Variants in AGBL1 observed in about 807,000 individuals in gnomAD.
The protein encoded by AGBL1 is cytosolic carboxypeptidase 4.
A neutral mutation model predicts 118.9 loss-of-function variants in AGBL1; 130 were observed. The ratio of observed to expected loss-of-function variants is 1.09; its 90% CI spans 0.95 to 1.26. AGBL1 has a LOEUF of 1.26. Ranked by LOEUF, AGBL1 falls within the 50% of genes most tolerant of loss-of-function variation. The pLI, the probability that AGBL1 is intolerant of heterozygous loss-of-function variation, is 0.00. For missense variants in AGBL1, 1,584 were observed against 1,298.1 expected (o/e 1.22, Z -3.38); for synonymous variants, 555 against 478.9 (o/e 1.16, Z -2.08).
chr15:86,138,582 G>C (rs1340037566), intron 1 of AGBL1, among the ~76,000 whole-genome samples: 2 of 152,214 alleles, frequency 1.3e-5, no homozygotes, highest in African/African-American at 4.8e-5. Context: ...ATGTTTGCGA[G>C]ATGAATGCAT....
At chr15:86,877,986 T>C (rs1364455986) in intron 22 of AGBL1, among the ~76,000 whole-genome samples, 1 of 152,182 alleles carries the variant, frequency 6.6e-6, no homozygotes, top group Non-Finnish European at 1.5e-5. Context: ...ATCCACCTCA[T>C]GTTGATGTTG....
At chr15:86,902,931 A>G (rs1282875023) in intron 22 of AGBL1, among the ~76,000 whole-genome samples, 7 of 152,198 alleles carry the variant, frequency 4.6e-5, no homozygotes, top group East Asian at 3.9e-4. Flanking sequence ...AGTTTCTTGT[A>G]TCTGTAGGTT....
chr15:86,313,240 A>T (rs1266974675), intron 17 of AGBL1, among the ~76,000 whole-genome samples: 1 of 152,142 alleles, frequency 6.6e-6, no homozygotes, highest in African/African-American at 2.4e-5. Flanking sequence ...TTTAAAATGG[A>T]GGGTTGTAAG....
intron 4 of AGBL1, among the ~76,000 whole-genome samples, chr15:86,156,651 G>A (rs969122618): frequency 2.6e-5 from 4 of 151,978 alleles, no homozygotes; most frequent in East Asian, 1.9e-4. Context: ...TCTCTTCCCC[G>A]CCCTATGCTT....
chr15:87,029,172 C>G, downstream of AGBL1: 1 of 205,036 alleles, frequency 4.9e-6, no homozygotes, highest in Non-Finnish European at 9.7e-6. Context: ...TAGTCTTCTA[C>G]TCAAGCATTA....
intron 23 of AGBL1, among the ~76,000 whole-genome samples, chr15:86,940,401 G>C (rs1196944038): frequency 6.6e-6 from 1 of 152,054 alleles, no homozygotes; most frequent in Non-Finnish European, 1.5e-5. Flanking sequence ...AAGTGTCCAA[G>C]AAACGTAATC....
chr15:86,995,426 G>A (rs1054590753), intron 24 of AGBL1, among the ~76,000 whole-genome samples: 1 of 152,014 alleles, frequency 6.6e-6, no homozygotes, highest in Non-Finnish European at 1.5e-5. Context: ...GGGCACTAAG[G>A]TACATAGAAG....
chr15:86,780,186 T>C (rs549643795), intron 22 of AGBL1, among the ~76,000 whole-genome samples: 23 of 66,328 alleles, frequency 3.5e-4, no homozygotes, highest in African/African-American at 9.1e-4. Context: ...AGACACATTT[T>C]CTTGCCATTG....
chr15:86,732,936 T>G (rs545030837), intron 22 of AGBL1, among the ~76,000 whole-genome samples: 2 of 149,868 alleles, frequency 1.3e-5, no homozygotes, highest in South Asian at 4.2e-4. Context: ...TGTAGATATA[T>G]ATATAGAGAG....
chr15:86,843,250 C>T (rs1169952613), intron 22 of AGBL1, among the ~76,000 whole-genome samples: 13 of 152,138 alleles, frequency 8.5e-5, no homozygotes. Flanking sequence ...CTTCACTCAG[C>T]TTTGAGGGCC....
intron 24 of AGBL1, among the ~76,000 whole-genome samples, chr15:87,027,955 G>T (rs1318531630): frequency 1.3e-5 from 2 of 151,802 alleles, no homozygotes; most frequent in African/African-American, 4.8e-5. Flanking sequence ...CCTAGGTGAT[G>T]GGATGATCTG....
chr15:86,356,335 CGT>C (rs55955604), intron 17 of AGBL1, among the ~76,000 whole-genome samples: 6,649 of 150,090 alleles, frequency 0.044, 449 homozygotes, highest in African/African-American at 0.15. Flanking sequence ...CGAAGATAGA[CGT>C]GTGTGTGTGT....
chr15:86,558,241 C>T (rs1347896081), intron 21 of AGBL1, among the ~76,000 whole-genome samples: 1 of 152,184 alleles, frequency 6.6e-6, no homozygotes, highest in Non-Finnish European at 1.5e-5. Flanking sequence ...CACTCAATTT[C>T]CCCTGGTTGT....
Position 86,964,816 on chromosome 15 carries a change from A to C in AGBL1, c.3222-23171A>C, listed in dbSNP as rs541992651. Reference sequence around the variant, plus strand: ...CCCCTGACAGGCCCCGGTGTGTAACATTGCCCTCCCTGTGTCCATGTGTTC... The same window carrying C: ...CCCCTGACAGGCCCCGGTGTGTAACCTTGCCCTCCCTGTGTCCATGTGTTC... On this transcript the variant is annotated intron_variant, in intron 23 of 24. Coordinates refer to the AGBL1 transcript ENST00000441037. Among the ~76,000 whole-genome samples the C allele has an allele frequency of 2.7e-4, 41 of 151,076 alleles. 2 individuals are homozygous for C. The highest frequency in any genetic ancestry group is 3.0e-5 in the Non-Finnish European group (2 of 67,788).
chr15:86,358,949 A>G (rs2080762120), intron 17 of AGBL1, among the ~76,000 whole-genome samples: 3 of 151,674 alleles, frequency 2.0e-5, no homozygotes, highest in Non-Finnish European at 4.4e-5. Context: ...ATGATTTGCA[A>G]GTATTTTTTT....
At chr15:86,728,108 A>C (rs1315966604) in intron 22 of AGBL1, among the ~76,000 whole-genome samples, 1 of 152,206 alleles carries the variant, frequency 6.6e-6, no homozygotes, top group Non-Finnish European at 1.5e-5. Context: ...CTTTCTTGGA[A>C]TCCTCAGCCT....
At chr15:86,968,837 G>C (rs2081079419) in intron 23 of AGBL1, among the ~76,000 whole-genome samples, 1 of 151,916 alleles carries the variant, frequency 6.6e-6, no homozygotes, top group African/African-American at 2.4e-5. Flanking sequence ...GTAAGGGCTT[G>C]TTACTCACAG....
intron 5 of AGBL1, among the ~76,000 whole-genome samples, chr15:86,209,792 T>C (rs1395407788): frequency 3.3e-5 from 5 of 152,226 alleles, no homozygotes; most frequent in African/African-American, 4.8e-5. Flanking sequence ...TGTCTTTTAA[T>C]TGGGGCATTT....
At chr15:86,225,753 T>G (rs1221881460) in intron 6 of AGBL1, among the ~76,000 whole-genome samples, 1 of 152,148 alleles carries the variant, frequency 6.6e-6, no homozygotes. Flanking sequence ...GTGATATTTG[T>G]TTCTCTATAG....
Sources: allele counts gnomAD v4.1 joint callset (sites outside exome capture counted in the v4.1 genomes callset), GRCh38; gene constraint gnomAD v4.1.1; transcripts MANE v1.5; gene names NCBI Gene and HGNC (gene_info 2026-07-23, HGNC 2026-07-21).